SLC44A1: variants seen among roughly 807,000 people sequenced by gnomAD.
SLC44A1 encodes the protein choline transporter-like protein 1.
A neutral mutation model predicts 79.3 loss-of-function variants in SLC44A1; 26 were observed. That is an observed-to-expected ratio of 0.33 (90% CI 0.24 to 0.46). The LOEUF is 0.46. SLC44A1 is among the 20% of genes least tolerant of loss of function. SLC44A1 has a pLI of 1.00. For synonymous variants in SLC44A1, 263 were observed against 286.2 expected (o/e 0.92, Z 0.82); for missense variants, 688 against 798.1 (o/e 0.86, Z 1.66).
At position 105,394,443 on chromosome 9, in the gene SLC44A1, T is replaced by TTTGTGTTTG; in HGVS notation, c.*5388_*5389insTGTGTTTGT. On this transcript the variant is annotated 3_prime_UTR_variant, in exon 16 of 16. Transcript: ENST00000374720. ...TATGTGTGTGTGTGTGTGTGTGTGT[T>TTTGTGTTTG]TGTGTGTGTGTGTGTGTGTCCTGGC... is the stretch of plus-strand genomic sequence containing the variant. The TTTGTGTTTG allele has an allele frequency of 1.1e-6, 1 of 886,056 alleles. No individual in the cohort carries two copies. Among genetic ancestry groups the TTTGTGTTTG allele is most frequent in the Non-Finnish European group, 1.3e-6 (1 of 756,122 alleles). 54.9% of individuals were successfully genotyped at this position (886,056 alleles called of 1,614,324 possible).
At chr9:105,332,598 A>G (rs1393599581) in intron 3 of SLC44A1, among the ~76,000 whole-genome samples, 1 of 152,186 alleles carries the variant, frequency 6.6e-6, no homozygotes, top group Non-Finnish European at 1.5e-5. Flanking sequence ...TGTTGTAGTC[A>G]TGGTAGCATT....
intron 14 of SLC44A1, among the ~76,000 whole-genome samples, 168 bp downstream of exon 14, chr9:105,383,527 A>T (rs2771033): frequency 0.79 from 120,710 of 152,144 alleles, 49,717 homozygotes; most frequent in East Asian, 1. Context: ...GTCAGGGAGG[A>T]CGGCTTCTTG....
intron 1 of SLC44A1, among the ~76,000 whole-genome samples, chr9:105,289,950 A>G (rs1050928692): frequency 6.6e-6 from 1 of 151,880 alleles, no homozygotes; most frequent in African/African-American, 2.4e-5. Context: ...AGTATCTGGG[A>G]TTACAGGTGC....
intron 1 of SLC44A1, among the ~76,000 whole-genome samples, chr9:105,253,302 ATTAC>A (rs1829630887): frequency 6.6e-6 from 1 of 152,232 alleles, no homozygotes; most frequent in African/African-American, 2.4e-5. Context: ...TGGAAACATG[ATTAC>A]TTCAAGATAT....
chr9:105,249,782 G>A lies in SLC44A1; in HGVS notation c.36+4878G>A, dbSNP rs139652599. Reference sequence around the variant, plus strand: ...ACTCCTGACCTCAGATGATCCACCCGCCTCAGCCTCCCAAAGTGCTGGGAT... The same window carrying A: ...ACTCCTGACCTCAGATGATCCACCCACCTCAGCCTCCCAAAGTGCTGGGAT... On this transcript the variant is annotated intron_variant, in intron 1 of 15. Transcript: ENST00000374720. Among the ~76,000 whole-genome samples the A allele has an allele frequency of 5.3e-3, 803 of 150,434 alleles. 10 individuals carry two copies. Among genetic ancestry groups the A allele is most frequent in the African/African-American group, 0.019 (763 of 40,766 alleles).
chr9:105,431,419 A>G lies in SLC44A1; in HGVS notation c.1951-6862A>G, dbSNP rs371224535. Among the ~76,000 whole-genome samples, 9 of 152,336 alleles carry G rather than the reference A, an allele frequency of 5.9e-5. No homozygotes were observed. The South Asian group carries it at 1.9e-3, about 32-fold the overall frequency. On this transcript the variant is annotated intron_variant, in intron 15 of 15. Coordinates refer to the SLC44A1 transcript ENST00000374724. ...ATGTAGGTTTATTTCTAGATTTGCA[A>G]TTCTATTCCATTGGTCTATAGGTCT...
At chr9:105,373,301 A>C (rs1003478866) in intron 12 of SLC44A1, among the ~76,000 whole-genome samples, 3 of 152,234 alleles carry the variant, frequency 2.0e-5, no homozygotes, top group Admixed American at 1.3e-4. Flanking sequence ...CAAAAGTTTT[A>C]GTCACAAAGT....
At chr9:105,255,909 C>T (rs190424892) in intron 1 of SLC44A1, among the ~76,000 whole-genome samples, 4 of 152,306 alleles carry the variant, frequency 2.6e-5, no homozygotes, top group East Asian at 3.9e-4. Flanking sequence ...TCAGAAATTA[C>T]AATATTAATG....
At chr9:105,304,954 T>TG (rs1830983061) in intron 2 of SLC44A1, among the ~76,000 whole-genome samples, 4 of 50,598 alleles carry the variant, frequency 7.9e-5, no homozygotes, top group East Asian at 6.3e-4. Flanking sequence ...GTTTTTTTTT[T>TG]TTTTTTTTTT....
Position 105,334,742 on chromosome 9 carries a change from T to C in SLC44A1, c.270-821T>C, listed in dbSNP as rs180707185. ...CTACAATCTTTATCATCTCATCTAC[T>C]TTATAACATTAAAAATACATGCTTT... On this transcript the variant is annotated intron_variant, in intron 3 of 15. Coordinates refer to ENST00000374720, the MANE Select transcript of SLC44A1 (RefSeq NM_080546.5). Among the ~76,000 whole-genome samples the C allele has an allele frequency of 2.0e-5, 3 of 152,322 alleles. No individual in the cohort carries two copies. The East Asian group carries it at 5.8e-4, about 29-fold the overall frequency.
chr9:105,386,769 T>A (rs1828636029), intron 15 of SLC44A1: 1 of 148,874 alleles, frequency 6.7e-6, no homozygotes, highest in African/African-American at 2.5e-5. Context: ...ATGTCTGTAA[T>A]CCTAGCACTT....
Position 105,395,841 on chromosome 9 carries a change from T to C in SLC44A1, c.*6785T>C, listed in dbSNP as rs531841231. The stretch of plus-strand genomic sequence containing the variant: ...AATGGGTTCCATGGATCATTCTAGT[T>C]GCCACTAGAAAATGTGAGCTCCTTC... On this transcript the variant is annotated 3_prime_UTR_variant, in exon 16 of 16. Coordinates refer to ENST00000374720, the MANE Select transcript of SLC44A1 (RefSeq NM_080546.5). 16 of 981,970 alleles carry C rather than the reference T, an allele frequency of 1.6e-5. No homozygotes were observed. The South Asian group carries it at 7.1e-4, about 43-fold the overall frequency. 60.8% of individuals were successfully genotyped at this position (981,970 alleles called of 1,614,324 possible). A position where few individuals can be genotyped will look rare whatever the true frequency, so the allele number is the denominator to read the frequency against.
chr9:105,412,957 A>G (rs1436509165), intron 15 of SLC44A1, among the ~76,000 whole-genome samples: 1 of 152,132 alleles, frequency 6.6e-6, no homozygotes, highest in African/African-American at 2.4e-5. Flanking sequence ...AATGAATGAG[A>G]GTGTTTTCAG....
rs931987563 is a variant in SLC44A1 at position 105,389,840 on chromosome 9, A to G, written c.*784A>G. ...CATCCTCCACACATTTGTGTGCCTG[A>G]TTTGAAAGGAAGCTGGGGCACCCAG... On this transcript the variant is annotated 3_prime_UTR_variant, in exon 16 of 16. Coordinates refer to ENST00000374720, the MANE Select transcript of SLC44A1 (RefSeq NM_080546.5). 1.2e-5 allele frequency: 17 copies of G among 1,441,900 alleles called. No individual in the cohort carries two copies. The Admixed American group carries it at 3.2e-4, about 27-fold the overall frequency. The allele number at this position is 1,441,900 out of a possible 1,614,324, so 89.3% of individuals were successfully genotyped here.
At chr9:105,361,404 C>T in intron 8 of SLC44A1, 74 bp downstream of exon 8, 1 of 1,384,776 alleles carries the variant, frequency 7.2e-7, no homozygotes, top group Non-Finnish European at 9.9e-7. Context: ...AGCAGAAACT[C>T]AAATCTAGCT....
At chr9:105,367,858 A>T (rs565999592) in intron 12 of SLC44A1, among the ~76,000 whole-genome samples, 1 of 152,308 alleles carries the variant, frequency 6.6e-6, no homozygotes, top group South Asian at 2.1e-4. Context: ...TATCGAAGTT[A>T]TCTGTTAACT....
downstream of SLC44A1, among the ~76,000 whole-genome samples, chr9:105,400,086 T>A (rs1828936869): frequency 1.3e-5 from 2 of 152,102 alleles, no homozygotes; most frequent in African/African-American, 4.8e-5. Flanking sequence ...TCCCAGCTAC[T>A]CAGGAGGCTG....
At chr9:105,244,928 C>T (rs1829390327) in intron 1 of SLC44A1, 24 bp downstream of exon 1, 2 of 1,174,140 alleles carry the variant, frequency 1.7e-6, no homozygotes, top group African/African-American at 1.6e-5. Context: ...GCCTCCCGGC[C>T]GCCCGCCCGG....
chr9:105,300,761 G>T (rs1052187180), intron 2 of SLC44A1, among the ~76,000 whole-genome samples: 1 of 150,546 alleles, frequency 6.6e-6, no homozygotes, highest in African/African-American at 2.5e-5. Context: ...TGTTTATGCA[G>T]CGTGTGGAGA....
Sources: gnomAD v4.1 joint callset for allele counts (sites outside exome capture counted in the v4.1 genomes callset) on GRCh38, gnomAD v4.1.1 for gene constraint, MANE v1.5 for transcripts, NCBI Gene and HGNC (gene_info 2026-07-23, HGNC 2026-07-21) for gene names.